The following KDM3A variants were observed in gnomAD, a reference collection of about 807,000 sequenced individuals.
KDM3A encodes lysine demethylase 3A.
In KDM3A, 60 loss-of-function variants were observed where a neutral mutation model predicts 158.0. That is an observed-to-expected ratio of 0.38 (90% CI 0.31 to 0.47). The LOEUF is 0.47. Among genes scored for constraint, KDM3A ranks in the 20% least tolerant of loss-of-function variants. The pLI is 0.99. For missense variants in KDM3A, 1,319 were observed against 1,574.3 expected, an observed-to-expected ratio of 0.84 and a Z score of 2.74; for synonymous variants, 608 against 549.3, an observed-to-expected ratio of 1.11 and a Z score of -1.49.
At chr2:86,460,191 C>T (rs1258170749) in intron 8 of KDM3A, among the ~76,000 whole-genome samples, 2 of 152,158 alleles carry the variant, frequency 1.3e-5, no homozygotes, top group Non-Finnish European at 2.9e-5. Flanking sequence ...TCTGTCTCTT[C>T]TCCCCCTGTA....
chr2:86,482,322 CAG>C (rs1036473456), intron 17 of KDM3A, 134 bp from the exon 18 acceptor site: 3 of 1,401,728 alleles, frequency 2.1e-6, no homozygotes, highest in East Asian at 2.3e-5. Flanking sequence ...CAAGTGGGGA[CAG>C]GGGACGTACC....
intron 19 of KDM3A, 45 bp from the exon 20 acceptor site, chr2:86,484,897 T>C (rs1573208246): frequency 8.0e-7 from 1 of 1,253,106 alleles, no homozygotes; most frequent in African/African-American, 1.5e-5. Flanking sequence ...TTTTGGTCTG[T>C]TTCTGAATTA....
chr2:86,489,839 G>A, intron 23 of KDM3A, 180 bp downstream of exon 23: 1 of 531,438 alleles, frequency 1.9e-6, no homozygotes, highest in Non-Finnish European at 3.2e-6. Flanking sequence ...TAAATGATTA[G>A]GGTTACACTT....
chr2:86,470,232 C>T lies in KDM3A; in HGVS notation c.1548C>T (p.Asp516=), dbSNP rs750915235. 20 of 1,613,940 alleles carry T rather than the reference C, an allele frequency of 1.2e-5. No homozygotes were observed. The East Asian group carries it at 2.5e-4, about 20-fold the overall frequency. ...NAPSRKSVLT[D]PAKLKKLQQS... ...CATCCAGGAAGTCGGTTTTGACAGA[C>T]CCAGCTAAACTCAAAAAGCTGCAAC... The change falls in exon 11 of 26, where the codon GAC becomes GAT. Residue 516 remains aspartate, a synonymous_variant. Transcript: ENST00000312912.
At chr2:86,478,416 T>C (rs906490826) in intron 14 of KDM3A, 151 bp downstream of exon 14, 1 of 850,506 alleles carries the variant, frequency 1.2e-6, no homozygotes, top group Non-Finnish European at 1.8e-6. Context: ...TCCAACACTT[T>C]TCGAGTCAAG....
intron 8 of KDM3A, 47 bp from the exon 9 acceptor site, chr2:86,464,006 C>T: frequency 8.7e-6 from 12 of 1,374,168 alleles, no homozygotes; most frequent in Admixed American, 2.4e-5. Context: ...TTATTATTTC[C>T]TAACTAGGGA....
At chr2:86,465,185 CAA>C (rs1471885452) in intron 9 of KDM3A, among the ~76,000 whole-genome samples, 1 of 152,106 alleles carries the variant, frequency 6.6e-6, no homozygotes, top group Non-Finnish European at 1.5e-5. Context: ...TGCTAAGAAA[CAA>C]AAGTTCTTCA....
Position 86,490,970 on chromosome 2 carries a change from T to C in KDM3A, c.3663T>C (p.Arg1221=). ...SWYLDRSLRK[R]LHQEYGVQGW... ...ATTTAGACCGATCATTAAGAAAACGTCTTCATCAAGAGTATGGAGTTCAAG... is the reference window on the plus strand; with the variant it reads ...ATTTAGACCGATCATTAAGAAAACGCCTTCATCAAGAGTATGGAGTTCAAG... Residue 1221 remains arginine (R), a synonymous_variant, in exon 24 of 26, where the codon CGT becomes CGC. Coordinates refer to ENST00000312912, the MANE Select transcript of KDM3A (RefSeq NM_018433.6). 6.2e-7 allele frequency: 1 copy of C among 1,613,994 alleles called. No individual in the cohort carries two copies.
At chr2:86,480,137 T>C (rs757076568) in intron 15 of KDM3A, 30 bp from the exon 16 acceptor site, 4 of 1,530,858 alleles carry the variant, frequency 2.6e-6, no homozygotes, top group African/African-American at 1.4e-5. Flanking sequence ...CTTCAGCTTA[T>C]GTAAAATCGT....
intron 21 of KDM3A, chr2:86,488,391 T>G (rs775205430): frequency 4.6e-5 from 7 of 152,176 alleles, no homozygotes; most frequent in African/African-American, 1.7e-4. Flanking sequence ...CATCATCCTC[T>G]CAACTATCCT....
At chr2:86,465,938 CA>C (rs10541366) in intron 9 of KDM3A, among the ~76,000 whole-genome samples, 55,474 of 118,100 alleles carry the variant, frequency 0.47, 11,591 homozygotes, top group East Asian at 0.73. Flanking sequence ...AATTTACACA[CA>C]AAAAAAAAAA....
At chr2:86,442,335 A>G in intron 2 of KDM3A, 102 bp downstream of exon 2, 2 of 1,119,310 alleles carry the variant, frequency 1.8e-6, no homozygotes, top group Non-Finnish European at 2.5e-6. Context: ...GAGACCAGAA[A>G]GTTGGCATAT....
Position 86,451,142 on chromosome 2 carries a change from A to G in KDM3A, c.382A>G (p.Ile128Val), listed in dbSNP as rs767831132. The stretch of plus-strand genomic sequence containing the variant: ...GTTGGACAAAGCTGGTTTGGGATCC[A>G]TAACTTCTGTTCGCTTTCTGGGAGA... ...PLLDKAGLGS[I>V]TSVRFLGDQQ... The change falls in exon 4 of 26, where the codon ATA becomes GTA. Residue 128 changes from isoleucine to valine, a missense_variant. Physicochemically the swap from Ile to Val is conservative, Grantham distance 29. This residue lies in a region of KDM3A where 652 missense variants were observed against 627.2 expected (regional missense o/e 1.04). Transcript: ENST00000312912. The G allele has an allele frequency of 1.8e-5, 29 of 1,612,182 alleles. 1 individual carries two copies. The Middle Eastern group carries it at 6.6e-4, about 37-fold the overall frequency.
intron 2 of KDM3A, chr2:86,442,513 C>T (rs998924484): frequency 9.5e-6 from 3 of 315,062 alleles, no homozygotes; most frequent in Non-Finnish European, 1.8e-5. Flanking sequence ...ACTGTCTCAT[C>T]TTTACTGCAG....
Position 86,491,150 on chromosome 2 carries a change from T to A in KDM3A, c.3760T>A (p.Leu1254Ile). The change falls in exon 25 of 26, where the codon TTA becomes ATA. Residue 1254 changes from leucine to isoleucine, a missense_variant. Coordinates refer to ENST00000312912, the MANE Select transcript of KDM3A (RefSeq NM_018433.6). ...PAGAPHQVHN[L>I]YSCIKVAEDF... Reference sequence around the variant, plus strand: ...ACTTGGTGTTTTTCAGGTTCATAACTTATATAGCTGCATCAAAGTGGCTGA... The same window carrying A: ...ACTTGGTGTTTTTCAGGTTCATAACATATATAGCTGCATCAAAGTGGCTGA... 1 of 1,614,032 alleles carries A rather than the reference T, an allele frequency of 6.2e-7. No homozygotes were observed. The highest frequency in any genetic ancestry group is 8.5e-7 in the Non-Finnish European group (1 of 1,179,904).
chr2:86,479,566 C>CCACA (rs1358600748), intron 15 of KDM3A: 1 of 144,356 alleles, frequency 6.9e-6, no homozygotes, highest in African/African-American at 2.4e-5. Context: ...AGGGCCTGGA[C>CCACA]CACAACAGGG....
At position 86,456,849 on chromosome 2, in the gene KDM3A, A is replaced by G. The variant is rs761815441; in HGVS notation, c.726A>G (p.Glu242=). Residue 242 remains glutamate, a synonymous_variant, in exon 7 of 26, where the codon GAA becomes GAG. Coordinates refer to ENST00000312912, the MANE Select transcript of KDM3A (RefSeq NM_018433.6). ...TTGATCCGTCACTGATTCATGTTGA[A>G]GTTGTACACGATAACCTTGTGACAT... The part of the protein sequence containing the change: ...KIVDPSLIHV[E]VVHDNLVTCG... 1.9e-6 allele frequency: 3 copies of G among 1,612,292 alleles called. No individual in the cohort carries two copies. Among genetic ancestry groups the G allele is most frequent in the East Asian group, 4.5e-5 (2 of 44,806 alleles).
At chr2:86,467,683 C>G (rs111915960) in intron 10 of KDM3A, among the ~76,000 whole-genome samples, 36 of 152,178 alleles carry the variant, frequency 2.4e-4, no homozygotes, top group African/African-American at 8.4e-4. Context: ...TTTAAAGATG[C>G]CTTTTGATCA....
chr2:86,476,053 G>A (rs1014863108), intron 12 of KDM3A, among the ~76,000 whole-genome samples: 3 of 152,218 alleles, frequency 2.0e-5, no homozygotes, highest in African/African-American at 7.2e-5. Context: ...TGCTGGGGTA[G>A]TGGAGACTCT....
Sources: allele counts gnomAD v4.1 joint callset (sites outside exome capture counted in the v4.1 genomes callset), GRCh38; gene constraint gnomAD v4.1.1; regional missense constraint gnomAD v4.1.1; transcripts MANE v1.5; gene names NCBI Gene and HGNC (gene_info 2026-07-23, HGNC 2026-07-21).